FAIM2: variants seen among roughly 807,000 people sequenced by gnomAD.
FAIM2 encodes the protein protein lifeguard 2.
Under a neutral mutation model 47.4 loss-of-function variants are expected in FAIM2, and 27 were observed. The ratio of observed to expected loss-of-function variants is 0.57; its 90% CI spans 0.42 to 0.78. FAIM2 has a LOEUF of 0.78. Ranked by LOEUF, FAIM2 falls within the 30% of genes least tolerant of loss-of-function variation. The pLI is 0.00. For missense variants in FAIM2, 311 were observed against 389.4 expected, an observed-to-expected ratio of 0.80 and a Z score of 1.69; for synonymous variants, 156 against 159.3, an observed-to-expected ratio of 0.98 and a Z score of 0.16.
At chr12:49,871,231 T>C (rs1050971299) in intron 11 of FAIM2, among the ~76,000 whole-genome samples, 1 of 152,214 alleles carries the variant, frequency 6.6e-6, no homozygotes, top group South Asian at 2.1e-4. Context: ...CCTTAAATAT[T>C]AGCTAAAGGT....
chr12:49,879,701 T>G (rs1173720983), intron 11 of FAIM2, among the ~76,000 whole-genome samples: 1 of 23,708 alleles, frequency 4.2e-5, no homozygotes, highest in Non-Finnish European at 8.2e-5. Context: ...TCTGTGTGCA[T>G]GTGTGTGTGT....
chr12:49,888,242 A>G (rs1946875137), intron 10 of FAIM2, among the ~76,000 whole-genome samples: 1 of 152,138 alleles, frequency 6.6e-6, no homozygotes, highest in Non-Finnish European at 1.5e-5. Context: ...TGTCAACAGG[A>G]TCCTGGGAAG....
In FAIM2 at chr12:49,903,861, G is replaced by T; in HGVS notation, c.-69C>A. 2.2e-5 allele frequency: 32 copies of T among 1,451,436 alleles called. No individual in the cohort carries two copies. The highest frequency in any genetic ancestry group is 3.0e-5 in the Non-Finnish European group (32 of 1,084,462). 89.9% of individuals were successfully genotyped at this position (1,451,436 alleles called of 1,614,324 possible). A position where few individuals can be genotyped will look rare whatever the true frequency, so the allele number is the denominator to read the frequency against. Reference sequence around the variant, plus strand: ...GCTTGGGTAACCGCAGCCTGCCTGCGTCTCTTCCTTCCTCCGCGTGGGTTC... The same window carrying T: ...GCTTGGGTAACCGCAGCCTGCCTGCTTCTCTTCCTTCCTCCGCGTGGGTTC... On this transcript the variant is annotated 5_prime_UTR_variant, in exon 1 of 12. Coordinates refer to ENST00000320634, the MANE Select transcript of FAIM2 (RefSeq NM_012306.4).
At position 49,880,744 on chromosome 12, in the gene FAIM2, A is replaced by G. The variant is rs28521178; in HGVS notation, c.801+6642T>C. Among the ~76,000 whole-genome samples the G allele has an allele frequency of 4.3e-4, 61 of 143,400 alleles. 2 individuals are homozygous for G. Among genetic ancestry groups the G allele is most frequent in the African/African-American group, 1.5e-3 (57 of 38,456 alleles). The allele number at this position is 143,400 out of a possible 152,430, so 94.1% of individuals were successfully genotyped here. On this transcript the variant is annotated intron_variant, in intron 11 of 11. Coordinates refer to ENST00000320634, the MANE Select transcript of FAIM2 (RefSeq NM_012306.4). ...TGTATATGTGTGTGTGTATGTGTGCATGTGTGTGTGCGCATGTGGGTATGT... is the reference window on the plus strand; with the variant it reads ...TGTATATGTGTGTGTGTATGTGTGCGTGTGTGTGTGCGCATGTGGGTATGT...
rs556080828 is a variant in FAIM2, at chr12:49,898,376, A to G, written c.212-286T>C. Among the ~76,000 whole-genome samples, 104 of 57,630 alleles carry G rather than the reference A, an allele frequency of 1.8e-3. 1 individual carries two copies. The highest frequency in any genetic ancestry group is 4.0e-3 in the Admixed American group (21 of 5,194). 37.8% of individuals were successfully genotyped at this position (57,630 alleles called of 152,430 possible). ...GGCTCCCTGGGGACCAAGCTCTGCCATACGAATGTGAATCTCCCATCTTCT... is the reference window on the plus strand; with the variant it reads ...GGCTCCCTGGGGACCAAGCTCTGCCGTACGAATGTGAATCTCCCATCTTCT... On this transcript the variant is annotated intron_variant, in intron 2 of 11. Coordinates refer to ENST00000320634, the MANE Select transcript of FAIM2 (RefSeq NM_012306.4).
rs56252896 is a variant in FAIM2, at chr12:49,897,643, G to A, written c.316-60C>T. The stretch of plus-strand genomic sequence containing the variant: ...GCCCTGTTAGGGACCTGTCAGCCCC[G>A]CAGTGACTCAGTCACCTCTCCAGGT... On this transcript the variant is annotated intron_variant, in intron 3 of 11. Coordinates refer to ENST00000320634, the MANE Select transcript of FAIM2 (RefSeq NM_012306.4). The A allele has an allele frequency of 7.4e-4, 965 of 1,299,014 alleles. 1 individual carries two copies. Among genetic ancestry groups the A allele is most frequent in the Non-Finnish European group, 8.7e-4 (786 of 906,546 alleles). The allele number at this position is 1,299,014 out of a possible 1,614,324, so 80.5% of individuals were successfully genotyped here.
chr12:49,890,245 C>A, intron 7 of FAIM2, 91 bp from the exon 8 acceptor site: 1 of 1,164,054 alleles, frequency 8.6e-7, no homozygotes, highest in Non-Finnish European at 1.3e-6. Flanking sequence ...CCACCCCTTG[C>A]AGGTACCCCT....
At chr12:49,887,967 C>G (rs2137096963) in intron 10 of FAIM2, among the ~76,000 whole-genome samples, 1 of 152,252 alleles carries the variant, frequency 6.6e-6, no homozygotes, top group East Asian at 1.9e-4. Context: ...TGGAACAGCA[C>G]AGGCTGGAAC....
Position 49,872,358 on chromosome 12 carries a change from G to A in FAIM2, c.802-1705C>T, listed in dbSNP as rs139572581. 1.7e-3 allele frequency among the ~76,000 whole-genome samples: 263 copies of A among 152,350 alleles called. 2 individuals are homozygous for A. The highest frequency in any genetic ancestry group is 6.2e-3 in the African/African-American group (257 of 41,586). ...GGGAAGCCTGGGAGGCCTGACTGGT[G>A]TTGTGTGAAGAGTGGGGAACTCGGT... On this transcript the variant is annotated intron_variant, in intron 11 of 11. Transcript: ENST00000320634.
At chr12:49,901,573 G>C in intron 1 of FAIM2, 1 of 397,764 alleles carries the variant, frequency 2.5e-6, no homozygotes, top group Non-Finnish European at 4.4e-6. Context: ...ATTCTTAGGA[G>C]TGTCCACCAT....
intron 2 of FAIM2, chr12:49,900,383 T>G (rs1390550746): frequency 3.2e-6 from 1 of 310,086 alleles, no homozygotes; most frequent in Non-Finnish European, 5.9e-6. Flanking sequence ...GAGGATTTCC[T>G]CAGAGCTTTT....
At chr12:49,875,973 C>CT (rs1271026165) in intron 11 of FAIM2, among the ~76,000 whole-genome samples, 1 of 151,878 alleles carries the variant, frequency 6.6e-6, no homozygotes, top group African/African-American at 2.4e-5. Context: ...GAGACTCCAT[C>CT]TCAAAAAAAA....
chr12:49,884,602 C>T (rs1946847727), intron 11 of FAIM2, among the ~76,000 whole-genome samples: 2 of 152,178 alleles, frequency 1.3e-5, no homozygotes, highest in South Asian at 2.1e-4. Context: ...AAGGGAACCA[C>T]AGGGGCACTG....
intron 11 of FAIM2, among the ~76,000 whole-genome samples, chr12:49,873,921 A>C (rs934473586): frequency 3.3e-5 from 5 of 152,266 alleles, no homozygotes; most frequent in Non-Finnish European, 7.3e-5. Context: ...TTGCCCTCAT[A>C]GAACTGACAG....
intron 11 of FAIM2, among the ~76,000 whole-genome samples, chr12:49,879,207 TGA>T (rs757583188): frequency 1.0e-4 from 10 of 97,732 alleles, no homozygotes; most frequent in African/African-American, 2.4e-4. Context: ...TGTATGTGTA[TGA>T]GTGTGTATGT....
chr12:49,891,696 A>T (rs1946901466), intron 5 of FAIM2, among the ~76,000 whole-genome samples: 2 of 152,246 alleles, frequency 1.3e-5, no homozygotes, highest in Middle Eastern at 3.4e-3. Flanking sequence ...CTGTTGGTCT[A>T]GCCTATTAAA....
At chr12:49,897,856 G>A in intron 3 of FAIM2, 131 bp downstream of exon 3, 1 of 713,272 alleles carries the variant, frequency 1.4e-6, no homozygotes, top group Non-Finnish European at 2.5e-6. Flanking sequence ...ATTCCTAGTG[G>A]GTGCTGTCAG....
At chr12:49,884,740 C>T (rs910783914) in intron 11 of FAIM2, among the ~76,000 whole-genome samples, 13 of 152,284 alleles carry the variant, frequency 8.5e-5, no homozygotes, top group African/African-American at 2.6e-4. Context: ...TTTGGGAGGC[C>T]AAGGCGGGCG....
chr12:49,896,991 G>A (rs1188513298), intron 5 of FAIM2, 40 bp downstream of exon 5: 23 of 1,536,782 alleles, frequency 1.5e-5, no homozygotes, highest in Non-Finnish European at 2.1e-5. Context: ...TGGCCACTAA[G>A]CCTTCTCTGG....
Sources: allele counts gnomAD v4.1 joint callset (sites outside exome capture counted in the v4.1 genomes callset), GRCh38; gene constraint gnomAD v4.1.1; transcripts MANE v1.5; gene names NCBI Gene and HGNC (gene_info 2026-07-23, HGNC 2026-07-21).